The following FYCO1 variants were observed in gnomAD, a reference collection of about 807,000 sequenced individuals.
FYCO1 encodes the protein FYVE and coiled-coil domain-containing protein 1.
In FYCO1, 122 loss-of-function variants were observed where a neutral mutation model predicts 165.1. The ratio of observed to expected loss-of-function variants is 0.74; its 90% CI spans 0.64 to 0.86. The LOEUF is 0.86. FYCO1 is among the 40% of genes least tolerant of loss of function. The pLI, the probability that FYCO1 is intolerant of heterozygous loss-of-function variation, is 0.00. For missense variants in FYCO1, 1,702 were observed against 1,810.3 expected (o/e 0.94, Z 1.09); for synonymous variants, 648 against 742.5 (o/e 0.87, Z 2.07).
intron 10 of FYCO1, among the ~76,000 whole-genome samples, chr3:45,963,323 C>CA (rs1349534706): frequency 6.6e-6 from 1 of 152,100 alleles, no homozygotes; most frequent in East Asian, 1.9e-4. Context: ...TGAGATCTTA[C>CA]AAAAAACCAC....
At chr3:45,956,468 C>A (rs541589748) in intron 13 of FYCO1, among the ~76,000 whole-genome samples, 11 of 152,264 alleles carry the variant, frequency 7.2e-5, no homozygotes, top group African/African-American at 2.4e-4. Context: ...ATGCAAAGTT[C>A]CTGGGGTGTT....
At chr3:45,975,624 A>G (rs1282231772) in intron 4 of FYCO1, among the ~76,000 whole-genome samples, 1 of 152,206 alleles carries the variant, frequency 6.6e-6, no homozygotes, top group Non-Finnish European at 1.5e-5. Flanking sequence ...GCTTCCAAAC[A>G]TCTGTGGATT....
At chr3:45,969,108 T>C (rs1244982938) in intron 7 of FYCO1, among the ~76,000 whole-genome samples, 1 of 152,244 alleles carries the variant, frequency 6.6e-6, no homozygotes, top group East Asian at 1.9e-4. Context: ...TATTTTCTAC[T>C]CTTAATGCTC....
rs1333925090 is a variant in FYCO1, at chr3:45,965,050, C to T, written c.3133G>A (p.Ala1045Thr). ...GGGCCTACCTTCAGCTTCTCCACAG[C>T]TTCCTCAGCAGCCTGCAGCTGCCGG... ...QGRQLQAAEE[A>T]VEKLKATQAD... Residue 1045 changes from alanine (A) to threonine (T), a missense_variant, in exon 9 of 18, where the codon GCT (alanine) becomes ACT (threonine). Physicochemically the swap from Ala to Thr is moderately conservative, Grantham distance 58 (BLOSUM62 0). Coordinates refer to ENST00000296137, the MANE Select transcript of FYCO1 (RefSeq NM_024513.4). 2 of 1,614,178 alleles carry T rather than the reference C, an allele frequency of 1.2e-6. No homozygotes were observed. The highest frequency in any genetic ancestry group is 1.1e-5 in the South Asian group (1 of 91,080).
rs140426191 is a variant in FYCO1, at chr3:45,967,299, C to T, written c.2035G>A (p.Ala679Thr). 6.2e-7 allele frequency: 1 copy of T among 1,613,732 alleles called. No individual in the cohort carries two copies. Among genetic ancestry groups the T allele is most frequent in the African/African-American group, 1.3e-5 (1 of 74,952 alleles). The change falls in exon 8 of 18, where the codon GCG (alanine) becomes ACG (threonine). Residue 679 changes from alanine (A) to threonine (T), a missense_variant. Physicochemically the swap from Ala to Thr is moderately conservative, Grantham distance 58. Coordinates refer to ENST00000296137, the MANE Select transcript of FYCO1 (RefSeq NM_024513.4). ...GCCTTCCTTACAGCCAGCAAGCTCG[C>T]CTCCATCTGGTCACCCAAGTGCCGG... ...SIRHLGDQME[A>T]SLLAVRKAKE...
rs17078471 is a variant in FYCO1 at position 45,955,091 on chromosome 3, G to A, written c.3944+158C>T. 0.019 allele frequency among the ~76,000 whole-genome samples: 2,936 copies of A among 152,216 alleles called. 94 individuals are homozygous for A. Among genetic ancestry groups the A allele is most frequent in the African/African-American group, 0.067 (2,790 of 41,516 alleles). On this transcript the variant is annotated intron_variant, in intron 14 of 17. Coordinates refer to ENST00000296137, the MANE Select transcript of FYCO1 (RefSeq NM_024513.4). Reference sequence around the variant, plus strand: ...CAAGGCTCAACACTGACAACTTCCCGAGCGCCGATGCTCTTCAAGGCCATC... The same window carrying A: ...CAAGGCTCAACACTGACAACTTCCCAAGCGCCGATGCTCTTCAAGGCCATC...
chr3:45,921,904 C>G, intron 17 of FYCO1, 64 bp from the exon 18 acceptor site: 1 of 1,079,474 alleles, frequency 9.3e-7, no homozygotes, highest in Non-Finnish European at 1.4e-6. Flanking sequence ...GGGGTGGCAG[C>G]TGCTGCTGAG....
At position 45,931,056 on chromosome 3, in the gene FYCO1, G is replaced by A. The variant is rs1703583149; in HGVS notation, c.4251+15C>T. On this transcript the variant is annotated intron_variant, in intron 16 of 17. Coordinates refer to ENST00000296137, the MANE Select transcript of FYCO1 (RefSeq NM_024513.4). The stretch of plus-strand genomic sequence containing the variant: ...GTGTGTGTAAGGAGCCCACAGGCAG[G>A]GAGCCCAGCCTTACCTTACACTGAT... The A allele has an allele frequency of 1.2e-6, 2 of 1,611,578 alleles. No homozygotes were observed. Among genetic ancestry groups the A allele is most frequent in the Non-Finnish European group, 1.7e-6 (2 of 1,178,980 alleles).
rs149453629 is a variant in FYCO1 at position 45,965,069 on chromosome 3, C to T, written c.3114G>A (p.Gln1038=). Residue 1038 remains glutamine (Q), a synonymous_variant, in exon 9 of 18, where the codon CAG becomes CAA. Coordinates refer to ENST00000296137, the MANE Select transcript of FYCO1 (RefSeq NM_024513.4). ...LRGQLEEQGR[Q]LQAAEEAVEK... ...CCACAGCTTCCTCAGCAGCCTGCAG[C>T]TGCCGGCCTTGCTCCTCAAGCTGGC... 1.2e-6 allele frequency: 2 copies of T among 1,614,078 alleles called. No individual in the cohort carries two copies. Among genetic ancestry groups the T allele is most frequent in the Non-Finnish European group, 1.7e-6 (2 of 1,180,034 alleles).
At chr3:45,926,825 A>C (rs1384045415) in intron 16 of FYCO1, among the ~76,000 whole-genome samples, 1 of 152,184 alleles carries the variant, frequency 6.6e-6, no homozygotes, top group Non-Finnish European at 1.5e-5. Flanking sequence ...TTATCTGGGC[A>C]TGGTGGCGCA....
At chr3:45,978,863 T>TG (rs1706897599) in intron 4 of FYCO1, among the ~76,000 whole-genome samples, 1 of 151,080 alleles carries the variant, frequency 6.6e-6, no homozygotes, top group Non-Finnish European at 1.5e-5. Context: ...CTGGAGTTTT[T>TG]TTTTTTTTTT....
At chr3:45,930,993 T>C (rs1703577432) in intron 16 of FYCO1, 78 bp downstream of exon 16, 3 of 1,352,096 alleles carry the variant, frequency 2.2e-6, no homozygotes, top group Middle Eastern at 5.0e-4. Flanking sequence ...GGATGGCCAC[T>C]GCCCTGCTTT....
At chr3:45,941,976 T>C (rs1273600344) in intron 14 of FYCO1, among the ~76,000 whole-genome samples, 1 of 152,264 alleles carries the variant, frequency 6.6e-6, no homozygotes, top group Admixed American at 6.5e-5. Context: ...AGTCTGTTCC[T>C]TTATTCATTT....
intron 14 of FYCO1, among the ~76,000 whole-genome samples, chr3:45,954,293 ATTC>A (rs1392792369): frequency 2.0e-5 from 3 of 152,106 alleles, no homozygotes; most frequent in East Asian, 3.8e-4. Flanking sequence ...GCCCAAAACA[ATTC>A]TTCTTCCAGT....
In FYCO1 at chr3:45,921,594, C is replaced by A. The variant is rs1368200580; in HGVS notation, c.*171G>T. The stretch of plus-strand genomic sequence containing the variant: ...CAACGCCTCGGGGGCTAAGAGTGGC[C>A]GGTGCAGAGTGCTGAGCACAAAGTC... On this transcript the variant is annotated 3_prime_UTR_variant, in exon 18 of 18. Coordinates refer to ENST00000296137, the MANE Select transcript of FYCO1 (RefSeq NM_024513.4). 3.1e-6 allele frequency: 2 copies of A among 648,230 alleles called. No individual in the cohort carries two copies. The highest frequency in any genetic ancestry group is 1.8e-5 in the African/African-American group (1 of 55,500). The allele number at this position is 648,230 out of a possible 1,614,324, so 40.2% of individuals were successfully genotyped here.
intron 14 of FYCO1, chr3:45,946,830 A>G (rs149731590): frequency 1.2e-6 from 2 of 1,614,232 alleles, no homozygotes; most frequent in Non-Finnish European, 1.7e-6. Context: ...CTACACGTCC[A>G]TGCTCATCCT....
rs387906964 is a variant in FYCO1, at chr3:45,967,128, G to A, written c.2206C>T (p.Gln736Ter). 7 of 1,613,898 alleles carry A rather than the reference G, an allele frequency of 4.3e-6. No homozygotes were observed. The South Asian group carries it at 6.6e-5, about 15-fold the overall frequency. ...ATCAGCTGGGTCTGCTGCTGGCACT[G>A]GCTCTCGAGAGCCCTAAGCTCTCTG... ...RHRELRALES[Q>*]CQQQTQLIEV... The change falls in exon 8 of 18, where the codon CAG becomes TAG. Residue 736 changes from glutamine to a stop codon, truncating the protein, a stop_gained. Transcript: ENST00000296137. LOFTEE classifies it high-confidence loss of function.
chr3:45,955,179 C>G, intron 14 of FYCO1, 70 bp downstream of exon 14: 1 of 1,556,032 alleles, frequency 6.4e-7, no homozygotes, highest in South Asian at 1.1e-5. Context: ...CTTTCCTCAT[C>G]CTTTGATAAG....
In FYCO1 at chr3:45,959,259, CA is replaced by C; in HGVS notation, c.3587+133del. On this transcript the variant is annotated intron_variant, in intron 12 of 17. Transcript: ENST00000296137. ...CTTCCTTACCTGGTTCCCTTAAAGC[CA>C]AAACGCAATGTGCTCTTCCTAAATA... The C allele has an allele frequency of 3.9e-6, 4 of 1,015,044 alleles. No homozygotes were observed. The South Asian group carries it at 5.2e-5, about 13-fold the overall frequency. The allele number at this position is 1,015,044 out of a possible 1,614,324, so 62.9% of individuals were successfully genotyped here.
Sources: allele counts gnomAD v4.1 joint callset (sites outside exome capture counted in the v4.1 genomes callset), GRCh38; gene constraint gnomAD v4.1.1; transcripts MANE v1.5; gene names NCBI Gene and HGNC (gene_info 2026-07-23, HGNC 2026-07-21).